Variants in ANGPTL3 observed in about 807,000 individuals in gnomAD.
ANGPTL3 encodes angiopoietin like 3, also known as angiopoietin-related protein 3.
A neutral mutation model predicts 52.7 loss-of-function variants in ANGPTL3; 51 were observed. The observed-to-expected ratio is 0.97, with a 90% CI of 0.77 to 1.22. The LOEUF (loss-of-function observed/expected upper bound fraction) is 1.22. ANGPTL3 is among the 50% of genes most tolerant of loss of function. The probability of loss-of-function intolerance (pLI) is 0.00; values close to 1 mark genes in which losing one functional copy is unlikely to be tolerated. For synonymous variants in ANGPTL3, 185 were observed against 179.8 expected, an observed-to-expected ratio of 1.03 and a Z score of -0.23; for missense variants, 506 against 520.7, an observed-to-expected ratio of 0.97 and a Z score of 0.27.
At chr1:62,604,446 G>C in intron 6 of ANGPTL3, 187 bp from the exon 7 acceptor site, 1 of 883,086 alleles carries the variant, frequency 1.1e-6, no homozygotes, top group Non-Finnish European at 1.7e-6. Context: ...TCTATTTTTT[G>C]GTAGTGTATA....
intron 6 of ANGPTL3, 98 bp from the exon 7 acceptor site, chr1:62,604,535 A>G (rs1650662687): frequency 1.6e-6 from 2 of 1,269,014 alleles, no homozygotes; most frequent in African/African-American, 3.0e-5. Context: ...AAAACACTGT[A>G]ATATTTATAA....
Position 62,606,195 on chromosome 1 carries a change from G to A in ANGPTL3, c.*1378G>A, listed in dbSNP as rs1490866932. The A allele has an allele frequency of 6.6e-6, 1 of 151,638 alleles. No homozygotes were observed. The allele number at this position is 151,638 out of a possible 1,614,324, so 9.4% of individuals were successfully genotyped here. A position where few individuals can be genotyped will look rare whatever the true frequency, so the allele number is the denominator to read the frequency against. The stretch of plus-strand genomic sequence containing the variant: ...CACAGACTAAGCTGTCGAAATTAAC[G>A]CTGATTTTTTTAGGGCCAGAATACC... On this transcript the variant is annotated 3_prime_UTR_variant, in exon 7 of 7. Transcript: ENST00000371129.
chr1:62,603,958 TTTC>T lies in ANGPTL3; in HGVS notation c.932-8_932-6del, dbSNP rs1447140701. ...TAATAACTCACAGATTTTTAAAACT[TTTC>T]TTTTCAGGAGAATTTTGGTTGGGCC... On this transcript the variant is annotated splice_polypyrimidine_tract_variant and splice_region_variant and intron_variant, in intron 5 of 6. Coordinates refer to ENST00000371129, the MANE Select transcript of ANGPTL3 (RefSeq NM_014495.4). 6.2e-7 allele frequency: 1 copy of T among 1,612,116 alleles called. No homozygotes were observed. Among genetic ancestry groups the T allele is most frequent in the Non-Finnish European group, 8.5e-7 (1 of 1,178,656 alleles).
At chr1:62,598,840 T>C in intron 2 of ANGPTL3, 34 bp downstream of exon 2, 1 of 1,281,002 alleles carries the variant, frequency 7.8e-7, no homozygotes, top group Non-Finnish European at 1.1e-6. Context: ...GTCCCATCTT[T>C]CACACAGGTC....
intron 5 of ANGPTL3, among the ~76,000 whole-genome samples, chr1:62,602,627 C>T (rs989196612): frequency 4.6e-5 from 7 of 151,714 alleles, no homozygotes; most frequent in Non-Finnish European, 8.9e-5. Context: ...TTTAATTCCA[C>T]GGCTTACAAT....
At position 62,598,121 on chromosome 1, in the gene ANGPTL3, A is replaced by T. The variant is rs974243536; in HGVS notation, c.495+60A>T. The T allele has an allele frequency of 2.1e-6, 3 of 1,456,756 alleles. No homozygotes were observed. The African/African-American group carries it at 4.4e-5, about 21-fold the overall frequency. The allele number at this position is 1,456,756 out of a possible 1,614,324, so 90.2% of individuals were successfully genotyped here. Reference sequence around the variant, plus strand: ...TTTCAATGTGGATCTTTTAAAAAAAATATTTCTAAGGCATGCCATTTGAAA... The same window carrying T: ...TTTCAATGTGGATCTTTTAAAAAAATTATTTCTAAGGCATGCCATTTGAAA... On this transcript the variant is annotated intron_variant, in intron 1 of 6. Coordinates refer to ENST00000371129, the MANE Select transcript of ANGPTL3 (RefSeq NM_014495.4).
intron 4 of ANGPTL3, 50 bp from the exon 5 acceptor site, chr1:62,602,235 C>A: frequency 7.1e-7 from 1 of 1,409,134 alleles, no homozygotes; most frequent in Non-Finnish European, 1.0e-6. Context: ...TTATTTACAT[C>A]TGTCAACATA....
chr1:62,601,476 T>C (rs1264814462), intron 3 of ANGPTL3, among the ~76,000 whole-genome samples: 3 of 151,678 alleles, frequency 2.0e-5, no homozygotes, highest in African/African-American at 7.2e-5. Context: ...AATCTCCTGT[T>C]TAAGAGATAC....
Position 62,597,915 on chromosome 1 carries a change from T to G in ANGPTL3, c.349T>G (p.Ser117Ala), listed in dbSNP as rs771793802. The G allele has an allele frequency of 4.5e-6, 7 of 1,554,044 alleles. No individual in the cohort carries two copies. In the Admixed American group the frequency reaches 1.1e-4, roughly 24 times the overall value. Residue 117 changes from serine (S) to alanine (A), a missense_variant, in exon 1 of 7, where the codon TCA becomes GCA. Coordinates refer to ENST00000371129, the MANE Select transcript of ANGPTL3 (RefSeq NM_014495.4). Reference protein sequence around the residue: ...QVKNEEVKNMSLELNSKLESL... With the variant: ...QVKNEEVKNMALELNSKLESL... The stretch of plus-strand genomic sequence containing the variant: ...CAAAAATGAAGAGGTAAAGAATATG[T>G]CACTTGAACTCAACTCAAAACTTGA...
At chr1:62,602,196 C>A in intron 4 of ANGPTL3, 89 bp from the exon 5 acceptor site, 1 of 1,051,256 alleles carries the variant, frequency 9.5e-7, no homozygotes, top group African/African-American at 1.6e-5. Context: ...TACAAAACCA[C>A]CAATTAAAAT....
chr1:62,604,866 A>T lies in ANGPTL3; in HGVS notation c.*49A>T. ...TAATTTAAACATTAACCTCATTCCAAGTTAATGTGGTCTAATAATCTGGTA... is the reference window on the plus strand; with the variant it reads ...TAATTTAAACATTAACCTCATTCCATGTTAATGTGGTCTAATAATCTGGTA... On this transcript the variant is annotated 3_prime_UTR_variant, in exon 7 of 7. Coordinates refer to ENST00000371129, the MANE Select transcript of ANGPTL3 (RefSeq NM_014495.4). The T allele has an allele frequency of 6.4e-7, 1 of 1,564,982 alleles. No homozygotes were observed. Among genetic ancestry groups the T allele is most frequent in the Non-Finnish European group, 8.8e-7 (1 of 1,137,632 alleles).
At chr1:62,604,564 C>A in intron 6 of ANGPTL3, 69 bp from the exon 7 acceptor site, 1 of 1,472,654 alleles carries the variant, frequency 6.8e-7, no homozygotes, top group Non-Finnish European at 9.5e-7. Context: ...GATAAACTTA[C>A]GGGGAAATAC....
rs755182841 is a variant in ANGPTL3 at position 62,602,336 on chromosome 1, A to G, written c.887A>G (p.Asn296Ser). The G allele has an allele frequency of 4.4e-5, 71 of 1,610,872 alleles. No individual in the cohort carries two copies. The highest frequency in any genetic ancestry group is 3.3e-4 in the Middle Eastern group (2 of 6,058). The change falls in exon 5 of 7, where the codon AAT becomes AGT. Residue 296 changes from asparagine (N) to serine (S), a missense_variant. Physicochemically the swap from Asn to Ser is conservative, Grantham distance 46 (BLOSUM62 1). Coordinates refer to ENST00000371129, the MANE Select transcript of ANGPTL3 (RefSeq NM_014495.4). ...CGAATAGATGGATCACAAAACTTCA[A>G]TGAAACGTGGGAGAACTACAAATAT... is the stretch of plus-strand genomic sequence containing the variant. ...QHRIDGSQNF[N>S]ETWENYKYGF...
At chr1:62,600,728 ATTAAAC>A (rs1285658823) in intron 2 of ANGPTL3, among the ~76,000 whole-genome samples, 2 of 151,804 alleles carry the variant, frequency 1.3e-5, no homozygotes, top group African/African-American at 2.4e-5. Context: ...ACTGAAAATT[ATTAAAC>A]TTAAAATCTG....
chr1:62,600,176 T>C (rs915511006), intron 2 of ANGPTL3, among the ~76,000 whole-genome samples: 2 of 151,820 alleles, frequency 1.3e-5, no homozygotes, highest in Non-Finnish European at 2.9e-5. Context: ...AGCAAAATGT[T>C]ACTATAGTAA....
In ANGPTL3 at chr1:62,605,040, T is replaced by G; in HGVS notation, c.*223T>G. Reference sequence around the variant, plus strand: ...CTTATAATACTATTTGTTTTAAATTTTGTGATGTGGGAATCAATTTTAGAT... The same window carrying G: ...CTTATAATACTATTTGTTTTAAATTGTGTGATGTGGGAATCAATTTTAGAT... On this transcript the variant is annotated 3_prime_UTR_variant, in exon 7 of 7. Transcript: ENST00000371129. 2.1e-6 allele frequency: 1 copy of G among 474,440 alleles called. No individual in the cohort carries two copies. Among genetic ancestry groups the G allele is most frequent in the Non-Finnish European group, 3.7e-6 (1 of 268,002 alleles). The allele number at this position is 474,440 out of a possible 1,614,324, so 29.4% of individuals were successfully genotyped here. A position where few individuals can be genotyped will look rare whatever the true frequency, so the allele number is the denominator to read the frequency against.
At chr1:62,601,927 C>G (rs764880720) in intron 4 of ANGPTL3, 45 bp downstream of exon 4, 5 of 1,213,350 alleles carry the variant, frequency 4.1e-6, no homozygotes, top group Non-Finnish European at 6.1e-6. Flanking sequence ...GTTCAACTTA[C>G]TCATTACGTA....
In ANGPTL3 at chr1:62,597,669, T is replaced by C; in HGVS notation, c.103T>C (p.Ser35Pro). Residue 35 changes from serine to proline, a missense_variant, in exon 1 of 7, where the codon TCA becomes CCA. Transcript: ENST00000371129. Reference protein sequence around the residue: ...SFDSLSPEPKSRFAMLDDVKI... With the variant: ...SFDSLSPEPKPRFAMLDDVKI... ...TGATTCTCTATCTCCAGAGCCAAAATCAAGATTTGCTATGTTAGACGATGT... is the reference window on the plus strand; with the variant it reads ...TGATTCTCTATCTCCAGAGCCAAAACCAAGATTTGCTATGTTAGACGATGT... The C allele has an allele frequency of 1.9e-6, 3 of 1,613,528 alleles. No homozygotes were observed. Among genetic ancestry groups the C allele is most frequent in the Non-Finnish European group, 2.5e-6 (3 of 1,179,684 alleles).
Position 62,601,206 on chromosome 1 carries a change from T to G in ANGPTL3, c.721+10T>G. On this transcript the variant is annotated intron_variant, in intron 3 of 6. Transcript: ENST00000371129. ...AATGTAAAACATGATGGTAAGACAC[T>G]TTGGTGGGTTTCCTTCTTGAAGCTA... is the stretch of plus-strand genomic sequence containing the variant. The G allele has an allele frequency of 6.5e-7, 1 of 1,530,646 alleles. No individual in the cohort carries two copies. The allele number at this position is 1,530,646 out of a possible 1,614,324, so 94.8% of individuals were successfully genotyped here. A position where few individuals can be genotyped will look rare whatever the true frequency, so the allele number is the denominator to read the frequency against.
Sources: gnomAD v4.1 joint callset for allele counts (sites outside exome capture counted in the v4.1 genomes callset) on GRCh38, gnomAD v4.1.1 for gene constraint, MANE v1.5 for transcripts, NCBI Gene and HGNC (gene_info 2026-07-23, HGNC 2026-07-21) for gene names.